Variants in ECT2L observed in about 807,000 individuals in gnomAD.
ECT2L encodes the protein epithelial cell transforming 2 like.
Under a neutral mutation model 122.8 loss-of-function variants are expected in ECT2L, and 126 were observed. The ratio of observed to expected loss-of-function variants is 1.03; its 90% CI spans 0.89 to 1.19. The LOEUF (loss-of-function observed/expected upper bound fraction) is 1.19, where lower values mean the gene tolerates loss of function less well. ECT2L is among the 50% of genes most tolerant of loss of function. The probability of loss-of-function intolerance (pLI) is 0.00; values close to 1 mark genes in which losing one functional copy is unlikely to be tolerated. For synonymous variants in ECT2L, 385 were observed against 381.8 expected (o/e 1.01, Z -0.10); for missense variants, 1,012 against 1,064.1 (o/e 0.95, Z 0.68).
chr6:138,858,691 ATTTTCC>A (rs1777707483), intron 10 of ECT2L, among the ~76,000 whole-genome samples: 3 of 120,068 alleles, frequency 2.5e-5, no homozygotes, highest in African/African-American at 9.4e-5. Context: ...ATCTTCTAGA[ATTTTCC>A]TTTTTTTTTT....
intron 16 of ECT2L, among the ~76,000 whole-genome samples, chr6:138,885,274 T>C (rs11969989): frequency 0.01 from 1,592 of 152,196 alleles, 24 homozygotes; most frequent in African/African-American, 0.036. Flanking sequence ...GTGATCCGCC[T>C]GCCTCCGCCT....
At chr6:138,801,867 G>A (rs1394145351) in intron 1 of ECT2L, among the ~76,000 whole-genome samples, 5 of 152,162 alleles carry the variant, frequency 3.3e-5, no homozygotes, top group Non-Finnish European at 7.4e-5. Context: ...TTAAAGAAAA[G>A]CAACCACAGA....
intron 4 of ECT2L, among the ~76,000 whole-genome samples, chr6:138,833,768 C>T (rs1222466880): frequency 2.0e-5 from 3 of 152,060 alleles, no homozygotes; most frequent in African/African-American, 7.2e-5. Context: ...CGCCACAGTA[C>T]TCCAGCCTGG....
intron 4 of ECT2L, among the ~76,000 whole-genome samples, chr6:138,832,961 G>A (rs1776701374): frequency 6.6e-6 from 1 of 151,964 alleles, no homozygotes; most frequent in South Asian, 2.1e-4. Flanking sequence ...TGGGTTGGGG[G>A]GCCTCAGGAA....
intron 14 of ECT2L, 138 bp from the exon 15 acceptor site, chr6:138,880,819 G>C: frequency 1.5e-6 from 1 of 669,652 alleles, no homozygotes. Context: ...ATGGACAGCG[G>C]GGTCCTCCGT....
At position 138,838,528 on chromosome 6, in the gene ECT2L, C is replaced by T. The variant is rs373973518; in HGVS notation, c.342+14C>T. The T allele has an allele frequency of 1.2e-4, 197 of 1,603,974 alleles. No individual in the cohort carries two copies. The African/African-American group carries it at 2.3e-3, about 18-fold the overall frequency. ...TTAACTGAACAGGTTTACTATTTGCCACTTCCTAGTAATAGGGCACAAGTA... is the reference window on the plus strand; with the variant it reads ...TTAACTGAACAGGTTTACTATTTGCTACTTCCTAGTAATAGGGCACAAGTA... On this transcript the variant is annotated intron_variant, in intron 5 of 21. Transcript: ENST00000541398.
chr6:138,846,433 C>A, intron 7 of ECT2L, 106 bp from the exon 8 acceptor site: 2 of 1,095,644 alleles, frequency 1.8e-6, no homozygotes, highest in Non-Finnish European at 2.5e-6. Context: ...ATGGAGGCCA[C>A]GTGCCTTGTA....
chr6:138,862,962 A>G (rs1049214609), intron 11 of ECT2L, among the ~76,000 whole-genome samples: 3 of 152,256 alleles, frequency 2.0e-5, no homozygotes, highest in Non-Finnish European at 4.4e-5. Context: ...AAACTGTTGA[A>G]AACATAATCT....
At chr6:138,885,174 G>A (rs11967405) in intron 16 of ECT2L, among the ~76,000 whole-genome samples, 1,576 of 151,842 alleles carry the variant, frequency 0.01, 23 homozygotes, top group African/African-American at 0.036. Flanking sequence ...GACTACAGGC[G>A]CCCGCCACCA....
At chr6:138,841,159 T>C (rs1043368035) in intron 5 of ECT2L, among the ~76,000 whole-genome samples, 1 of 152,216 alleles carries the variant, frequency 6.6e-6, no homozygotes, top group African/African-American at 2.4e-5. Flanking sequence ...ATATATTAAT[T>C]ATAGAGTATT....
chr6:138,847,826 G>A (rs1777290532), intron 8 of ECT2L, among the ~76,000 whole-genome samples: 1 of 152,114 alleles, frequency 6.6e-6, no homozygotes, highest in Admixed American at 6.6e-5. Context: ...CTCTGTGTCT[G>A]AACATTTGTG....
chr6:138,845,561 A>G (rs1777191124), intron 7 of ECT2L, among the ~76,000 whole-genome samples: 1 of 152,024 alleles, frequency 6.6e-6, no homozygotes, highest in Non-Finnish European at 1.5e-5. Context: ...GATTCTTGAG[A>G]TCATGTAATC....
chr6:138,868,481 C>CT lies in ECT2L; in HGVS notation c.1578+289dup, dbSNP rs796249181. On this transcript the variant is annotated intron_variant, in intron 13 of 21. Coordinates refer to ENST00000541398, the MANE Select transcript of ECT2L (RefSeq NM_001077706.3). ...TGTGCTTAATTTCAGTCAGAAGTGACTTTTTTTTTTTTTTAATAAAACATG... is the reference window on the plus strand; with the variant it reads ...TGTGCTTAATTTCAGTCAGAAGTGACTTTTTTTTTTTTTTTAATAAAACATG... Among the ~76,000 whole-genome samples the CT allele has an allele frequency of 2.5e-3, 344 of 137,162 alleles. 1 individual carries two copies. Among genetic ancestry groups the CT allele is most frequent in the African/African-American group, 3.4e-3 (130 of 38,466 alleles). The allele number at this position is 137,162 out of a possible 152,430, so 90.0% of individuals were successfully genotyped here. A position where few individuals can be genotyped will look rare whatever the true frequency, so the allele number is the denominator to read the frequency against.
chr6:138,859,270 T>C (rs1047582609), intron 10 of ECT2L, among the ~76,000 whole-genome samples: 2 of 152,234 alleles, frequency 1.3e-5, no homozygotes, highest in African/African-American at 4.8e-5. Flanking sequence ...ATTATTACAT[T>C]CTACACGTAT....
At chr6:138,829,021 AATT>A (rs768269676) in intron 4 of ECT2L, among the ~76,000 whole-genome samples, 64 of 139,932 alleles carry the variant, frequency 4.6e-4, no homozygotes, top group African/African-American at 1.4e-3. Context: ...CTAAGTTTAA[AATT>A]TTTTTTTTTT....
chr6:138,892,941 GT>G (rs1779081093), intron 20 of ECT2L, among the ~76,000 whole-genome samples: 1 of 152,180 alleles, frequency 6.6e-6, no homozygotes, highest in African/African-American at 2.4e-5. Flanking sequence ...AGAGGCTACA[GT>G]TTTCTCCAGT....
intron 13 of ECT2L, among the ~76,000 whole-genome samples, chr6:138,871,584 T>C (rs951640965): frequency 1.2e-4 from 19 of 152,148 alleles, no homozygotes; most frequent in Admixed American, 1.2e-3. Context: ...GGTGGGTGGA[T>C]CACTTGAGGC....
In ECT2L at chr6:138,868,143, A is replaced by G. The variant is rs1778117610; in HGVS notation, c.1515A>G (p.Leu505=). 1 of 1,613,286 alleles carries G rather than the reference A, an allele frequency of 6.2e-7. No individual in the cohort carries two copies. The highest frequency in any genetic ancestry group is 2.2e-5 in the East Asian group (1 of 44,864). Reference sequence around the variant, plus strand: ...ACACCATGGGTATGACCAACATTCTAAACAACCAAGATACTGCGCAAGCTC... The same window carrying G: ...ACACCATGGGTATGACCAACATTCTGAACAACCAAGATACTGCGCAAGCTC... The part of the protein sequence containing the change: ...MFDTMGMTNI[L]NNQDTAQALA... The change falls in exon 13 of 22, where the codon CTA becomes CTG. Residue 505 remains leucine (L), a synonymous_variant. Coordinates refer to ENST00000541398, the MANE Select transcript of ECT2L (RefSeq NM_001077706.3).
chr6:138,834,994 C>T (rs186815615), intron 4 of ECT2L, among the ~76,000 whole-genome samples: 10 of 151,620 alleles, frequency 6.6e-5, no homozygotes, highest in South Asian at 2.1e-4. Flanking sequence ...GTTCATTTTA[C>T]GCCACTCTGT....
Sources: allele counts gnomAD v4.1 joint callset (sites outside exome capture counted in the v4.1 genomes callset), GRCh38; gene constraint gnomAD v4.1.1; transcripts MANE v1.5; gene names NCBI Gene and HGNC (gene_info 2026-07-23, HGNC 2026-07-21).